The following KAZN variants were observed in gnomAD, a reference collection of about 807,000 sequenced individuals.
The protein encoded by KAZN is kazrin.
Under a neutral mutation model 87.4 loss-of-function variants are expected in KAZN, and 40 were observed. The observed-to-expected ratio is 0.46, with a 90% CI of 0.36 to 0.60. The LOEUF is 0.60. Among genes scored for constraint, KAZN ranks in the 20% least tolerant of loss-of-function variants. The pLI is 0.00. For missense variants in KAZN, 898 were observed against 1,073.9 expected (o/e 0.84, Z 2.29); for synonymous variants, 466 against 458.3 (o/e 1.02, Z -0.22).
chr1:14,504,333 G>A (rs1670435532), intron 2 of KAZN, among the ~76,000 whole-genome samples: 1 of 152,188 alleles, frequency 6.6e-6, no homozygotes, highest in African/African-American at 2.4e-5. Flanking sequence ...AAAGCCGATG[G>A]TCTTGAGTTA....
intron 1 of KAZN, among the ~76,000 whole-genome samples, chr1:14,802,092 C>A (rs1158718079): frequency 6.6e-6 from 1 of 152,052 alleles, no homozygotes; most frequent in African/African-American, 2.4e-5. Context: ...CGTCGACTCT[C>A]TCCATGTGGT....
chr1:14,068,120 T>C lies in KAZN; in HGVS notation c.92-112315T>C, dbSNP rs532508032. On this transcript the variant is annotated intron_variant, in intron 1 of 16. Transcript: ENST00000636203. ...AAGAGTGAGGGAGGGGTGTTGATGT[T>C]CCCCCCCCCAACAATTGAGGTGTAA... Among the ~76,000 whole-genome samples the C allele has an allele frequency of 4.0e-5, 6 of 150,116 alleles. No individual in the cohort carries two copies. The South Asian group carries it at 6.3e-4, about 16-fold the overall frequency.
At chr1:14,056,378 G>A (rs1010132836) in intron 1 of KAZN, among the ~76,000 whole-genome samples, 29 of 152,212 alleles carry the variant, frequency 1.9e-4, no homozygotes, top group African/African-American at 6.5e-4. Context: ...GATGGAAGCA[G>A]AGCTTGGAGG....
chr1:14,609,707 C>T (rs1321311222), intron 1 of KAZN, among the ~76,000 whole-genome samples: 1 of 152,244 alleles, frequency 6.6e-6, no homozygotes, highest in Non-Finnish European at 1.5e-5. Flanking sequence ...CTAGACATCT[C>T]TTTGCAGAAT....
intron 2 of KAZN, among the ~76,000 whole-genome samples, chr1:14,537,987 G>T (rs1672600383): frequency 6.6e-6 from 1 of 152,180 alleles, no homozygotes; most frequent in South Asian, 2.1e-4. Context: ...CCAAGGGCAG[G>T]CATCTTTGGG....
intron 2 of KAZN, among the ~76,000 whole-genome samples, chr1:14,478,249 A>AAAGAAGGAAG (rs1668869099): frequency 3.0e-5 from 3 of 101,476 alleles, no homozygotes; most frequent in African/African-American, 9.8e-5. Flanking sequence ...AGGAAGGAAA[A>AAAGAAGGAAG]GAAGGAAGGA....
intron 1 of KAZN, among the ~76,000 whole-genome samples, chr1:14,929,158 G>T (rs1329635945): frequency 2.0e-5 from 3 of 152,228 alleles, no homozygotes; most frequent in African/African-American, 7.2e-5. Context: ...CCCCTGTGGG[G>T]CCTGATGCTA....
At chr1:14,199,555 G>C (rs1008115776) in intron 2 of KAZN, among the ~76,000 whole-genome samples, 1 of 152,224 alleles carries the variant, frequency 6.6e-6, no homozygotes, top group Admixed American at 6.5e-5. Context: ...CCCTCCTTGA[G>C]TGCAGGGCCC....
intron 1 of KAZN, chr1:14,924,303 C>T: frequency 6.1e-6 from 6 of 985,038 alleles, no homozygotes; most frequent in South Asian, 4.6e-5. Flanking sequence ...GGTCTGTGAG[C>T]CCGGCGCGCG....
intron 2 of KAZN, chr1:14,221,765 G>A (rs1336423020): frequency 6.6e-6 from 1 of 152,168 alleles, no homozygotes; most frequent in East Asian, 1.9e-4. Flanking sequence ...AATTTTTTAA[G>A]TGATATGGAT....
intron 1 of KAZN, among the ~76,000 whole-genome samples, chr1:13,992,083 C>T (rs1639309161): frequency 6.6e-6 from 1 of 152,160 alleles, no homozygotes; most frequent in Admixed American, 6.5e-5. Context: ...CCTACAACAA[C>T]TCCCAAATGG....
intron 2 of KAZN, among the ~76,000 whole-genome samples, chr1:14,554,537 G>A (rs112745326): frequency 1.3e-5 from 2 of 152,144 alleles, no homozygotes; most frequent in Admixed American, 6.5e-5. Flanking sequence ...CTACATACGC[G>A]TCCCCTTTGA....
intron 4 of KAZN, among the ~76,000 whole-genome samples, chr1:15,051,191 T>C (rs761288): frequency 0.34 from 51,400 of 152,188 alleles, 10,010 homozygotes; most frequent in East Asian, 0.74. Context: ...CTGAAGGACC[T>C]GGTAGAGGAT....
intron 2 of KAZN, among the ~76,000 whole-genome samples, chr1:14,383,442 G>A (rs1302130482): frequency 1.3e-5 from 2 of 151,960 alleles, no homozygotes; most frequent in Admixed American, 1.3e-4. Flanking sequence ...GGTTTTTATG[G>A]TTTTAGGTCT....
intron 2 of KAZN, among the ~76,000 whole-genome samples, chr1:14,420,944 C>T (rs939641503): frequency 6.9e-6 from 1 of 145,290 alleles, no homozygotes; most frequent in Non-Finnish European, 1.6e-5. Context: ...AGGGAGCCAG[C>T]TCCGGCCTCC....
intron 2 of KAZN, among the ~76,000 whole-genome samples, chr1:14,479,337 G>T (rs1335352009): frequency 1.3e-5 from 2 of 152,166 alleles, no homozygotes; most frequent in African/African-American, 4.8e-5. Context: ...TCTACAAAAC[G>T]CATATGCAGC....
At chr1:14,561,836 G>A (rs796284108) in intron 2 of KAZN, among the ~76,000 whole-genome samples, 20 of 152,038 alleles carry the variant, frequency 1.3e-4, no homozygotes, top group South Asian at 2.1e-4. Flanking sequence ...CCCAGGAAGC[G>A]GAGGTTGCAG....
At chr1:14,254,875 CA>C (rs1227399448) in intron 2 of KAZN, among the ~76,000 whole-genome samples, 1 of 152,058 alleles carries the variant, frequency 6.6e-6, no homozygotes, top group Non-Finnish European at 1.5e-5. Context: ...GTAATCCCAG[CA>C]CTTTGGGAGG....
intron 1 of KAZN, among the ~76,000 whole-genome samples, chr1:14,746,991 C>T (rs78122538): frequency 0.034 from 5,156 of 152,226 alleles, 289 homozygotes; most frequent in African/African-American, 0.12. Context: ...AGTAACTCCC[C>T]ATCCCTTGTC....
Sources: allele counts gnomAD v4.1 joint callset (sites outside exome capture counted in the v4.1 genomes callset), GRCh38; gene constraint gnomAD v4.1.1; transcripts MANE v1.5; gene names NCBI Gene and HGNC (gene_info 2026-07-23, HGNC 2026-07-21).